Variants in GOLM2 observed in about 807,000 individuals in gnomAD.
GOLM2 encodes the protein protein GOLM2.
A neutral mutation model predicts 55.9 loss-of-function variants in GOLM2; 26 were observed. That is an observed-to-expected ratio of 0.47 (90% CI 0.34 to 0.65). The LOEUF (loss-of-function observed/expected upper bound fraction) is 0.65, where lower values mean the gene tolerates loss of function less well. GOLM2 is among the 30% of genes least tolerant of loss of function. The pLI is 0.01. For synonymous variants in GOLM2, 165 were observed against 194.6 expected (o/e 0.85, Z 1.27); for missense variants, 486 against 531.8 (o/e 0.91, Z 0.85).
intron 1 of GOLM2, among the ~76,000 whole-genome samples, chr15:44,294,638 C>T (rs932554636): frequency 6.0e-5 from 9 of 149,138 alleles, no homozygotes; most frequent in Non-Finnish European, 1.0e-4. Context: ...TGCTTGAACC[C>T]GGCAGGCAGA....
intron 6 of GOLM2, among the ~76,000 whole-genome samples, chr15:44,338,918 C>T (rs1270496502): frequency 6.6e-6 from 1 of 152,136 alleles, no homozygotes; most frequent in Non-Finnish European, 1.5e-5. Context: ...TAATCCCCTT[C>T]ATTTTTTTCC....
chr15:44,346,752 G>A (rs183737676), intron 6 of GOLM2, among the ~76,000 whole-genome samples: 1 of 152,224 alleles, frequency 6.6e-6, no homozygotes, highest in Non-Finnish European at 1.5e-5. Context: ...AAGGTGACTT[G>A]CTTTTCATTA....
Position 44,311,979 on chromosome 15 carries a change from T to G in GOLM2, c.328-10986T>G, listed in dbSNP as rs532611755. Among the ~76,000 whole-genome samples the G allele has an allele frequency of 4.9e-4, 75 of 152,164 alleles. 1 individual carries two copies. The highest frequency in any genetic ancestry group is 7.9e-4 in the Admixed American group (12 of 15,274). On this transcript the variant is annotated intron_variant, in intron 1 of 9. Transcript: ENST00000299957. Reference sequence around the variant, plus strand: ...ACATAGGATTTCAAATCCTTGAAATTTAAAGTTTGTGAACTTCAAACTTGC... The same window carrying G: ...ACATAGGATTTCAAATCCTTGAAATGTAAAGTTTGTGAACTTCAAACTTGC...
chr15:44,362,547 A>G (rs2079249065), intron 6 of GOLM2, among the ~76,000 whole-genome samples: 1 of 152,138 alleles, frequency 6.6e-6, no homozygotes, highest in Admixed American at 6.6e-5. Context: ...AAAAGAGGAT[A>G]CAAAGAAATG....
intron 1 of GOLM2, among the ~76,000 whole-genome samples, chr15:44,303,879 A>G (rs2078817083): frequency 6.6e-6 from 1 of 150,762 alleles, no homozygotes; most frequent in Admixed American, 6.6e-5. Flanking sequence ...GGGATTACAG[A>G]CATGCACCAC....
chr15:44,352,235 G>A (rs2079169325), intron 6 of GOLM2, among the ~76,000 whole-genome samples: 1 of 152,128 alleles, frequency 6.6e-6, no homozygotes, highest in Non-Finnish European at 1.5e-5. Context: ...ATAGACCAAT[G>A]AAACAGAATA....
intron 1 of GOLM2, among the ~76,000 whole-genome samples, chr15:44,303,617 C>T (rs2078814616): frequency 6.6e-6 from 1 of 152,000 alleles, no homozygotes; most frequent in African/African-American, 2.4e-5. Context: ...CCAGGCTAAA[C>T]TGCAGTGGCA....
At chr15:44,379,205 G>A (rs1044009855) in intron 6 of GOLM2, among the ~76,000 whole-genome samples, 1 of 152,258 alleles carries the variant, frequency 6.6e-6, no homozygotes, top group East Asian at 1.9e-4. Context: ...GGCCGGGCGC[G>A]GCGGCTCACA....
At chr15:44,334,218 C>G (rs2079041686) in intron 4 of GOLM2, among the ~76,000 whole-genome samples, 1 of 152,172 alleles carries the variant, frequency 6.6e-6, no homozygotes, top group Non-Finnish European at 1.5e-5. Context: ...CTTCTCCTTT[C>G]TGGGTAGCAC....
chr15:44,334,874 A>G (rs989850364), intron 4 of GOLM2, among the ~76,000 whole-genome samples: 1 of 152,144 alleles, frequency 6.6e-6, no homozygotes, highest in Admixed American at 6.6e-5. Flanking sequence ...TACTAAAAAT[A>G]CAAAAAGTTA....
rs1041323696 is a variant in GOLM2 at position 44,289,038 on chromosome 15, T to C, written c.9T>C (p.Gly3=). Residue 3 remains glycine (G), a synonymous_variant, in exon 1 of 10, where the codon GGT becomes GGC. Coordinates refer to ENST00000299957, the MANE Select transcript of GOLM2 (RefSeq NM_138423.4). This position sits in a 1 kb window ranked among gnomAD's most constrained non-coding sequence, Gnocchi z 4.8. ...CAGCCCGATTTGGCCCCATGGTGGG[T>C]TTCGGGGCCAACCGGCGGGCTGGCC... The part of the protein sequence containing the change: MV[G]FGANRRAGRL... 6.2e-7 allele frequency: 1 copy of C among 1,612,812 alleles called. No individual in the cohort carries two copies. The highest frequency in any genetic ancestry group is 1.3e-5 in the African/African-American group (1 of 74,914).
intron 9 of GOLM2, among the ~76,000 whole-genome samples, chr15:44,409,024 TC>T (rs1233611826): frequency 6.6e-6 from 1 of 152,052 alleles, no homozygotes; most frequent in Admixed American, 6.6e-5. Context: ...ATGCCTGTAA[TC>T]CCAGCACTTT....
chr15:44,311,717 T>C (rs2078876500), intron 1 of GOLM2, among the ~76,000 whole-genome samples: 4 of 152,160 alleles, frequency 2.6e-5, no homozygotes, highest in African/African-American at 9.7e-5. Context: ...TGGCACGATC[T>C]TGGCTCACTG....
intron 1 of GOLM2, among the ~76,000 whole-genome samples, chr15:44,316,582 C>T (rs531627587): frequency 4.2e-4 from 64 of 152,040 alleles, no homozygotes; most frequent in Admixed American, 3.7e-3. Context: ...GGTGAAACCC[C>T]GTCTCTACTA....
intron 1 of GOLM2, among the ~76,000 whole-genome samples, chr15:44,300,290 G>T (rs1231464687): frequency 6.6e-6 from 1 of 151,992 alleles, no homozygotes; most frequent in Non-Finnish European, 1.5e-5. Context: ...GTTTAGTCTT[G>T]TATTATTCTA....
chr15:44,364,515 G>C (rs1334800494), intron 6 of GOLM2, among the ~76,000 whole-genome samples: 1 of 150,384 alleles, frequency 6.6e-6, no homozygotes, highest in Non-Finnish European at 1.5e-5. Flanking sequence ...TAGCCTGGGT[G>C]ACAGCGCAAG....
chr15:44,333,835 C>T (rs1048720344), intron 4 of GOLM2, among the ~76,000 whole-genome samples: 1 of 152,014 alleles, frequency 6.6e-6, no homozygotes. Context: ...CCTGCCTCAG[C>T]CTTCCGAGTA....
intron 6 of GOLM2, among the ~76,000 whole-genome samples, chr15:44,354,321 G>T: frequency 9.6e-6 from 1 of 104,392 alleles, no homozygotes. Context: ...AGGGGGGAGG[G>T]ATAGCATTAG....
intron 1 of GOLM2, among the ~76,000 whole-genome samples, chr15:44,317,244 G>A (rs1260585682): frequency 3.4e-5 from 5 of 148,976 alleles, no homozygotes; most frequent in Non-Finnish European, 7.5e-5. Context: ...GGGCGTGGTA[G>A]CACATGCCTG....
Sources: allele counts gnomAD v4.1 joint callset (sites outside exome capture counted in the v4.1 genomes callset), GRCh38; gene constraint gnomAD v4.1.1; non-coding constraint Gnocchi (gnomAD v3.1); transcripts MANE v1.5; gene names NCBI Gene and HGNC (gene_info 2026-07-23, HGNC 2026-07-21).